TSGA10: variants seen among roughly 807,000 people sequenced by gnomAD.
The protein encoded by TSGA10 is testis specific 10, also known as testis-specific gene 10 protein.
In TSGA10, 43 loss-of-function variants were observed where a neutral mutation model predicts 96.6. That is an observed-to-expected ratio of 0.44 (90% CI 0.35 to 0.57). TSGA10 has a LOEUF of 0.57. Among genes scored for constraint, TSGA10 ranks in the 20% least tolerant of loss-of-function variants. The probability of loss-of-function intolerance (pLI) is 0.01; values close to 1 mark genes in which losing one functional copy is unlikely to be tolerated. For synonymous variants in TSGA10, 229 were observed against 269.9 expected (o/e 0.85, Z 1.48); for missense variants, 703 against 834.4 (o/e 0.84, Z 1.94).
At chr2:99,051,378 C>A (rs2083377637) in intron 16 of TSGA10, among the ~76,000 whole-genome samples, 1 of 151,898 alleles carries the variant, frequency 6.6e-6, no homozygotes, top group Admixed American at 6.6e-5. Flanking sequence ...AAAAATGTTA[C>A]TAGAGATAAA....
Position 99,132,143 on chromosome 2 carries a change from A to C in TSGA10, c.-620-4967T>G, listed in dbSNP as rs1003264739. Among the ~76,000 whole-genome samples, 60 of 152,098 alleles carry C rather than the reference A, an allele frequency of 3.9e-4. 2 individuals carry two copies. Among genetic ancestry groups the C allele is most frequent in the Admixed American group, 2.0e-3 (30 of 15,272 alleles). Reference sequence around the variant, plus strand: ...AGGATGATGCTGGACTCATAAAATGAGTTAGGGAGGATTCCCTCTTTTTTC... The same window carrying C: ...AGGATGATGCTGGACTCATAAAATGCGTTAGGGAGGATTCCCTCTTTTTTC... On this transcript the variant is annotated intron_variant, in intron 1 of 20. Transcript: ENST00000393483.
chr2:99,074,029 T>TTTTTTTTTTTTTG (rs1241657890), intron 12 of TSGA10, among the ~76,000 whole-genome samples: 9 of 136,844 alleles, frequency 6.6e-5, no homozygotes, highest in African/African-American at 2.6e-4. Flanking sequence ...TTTTTTTTTT[T>TTTTTTTTTTTTTG]GAGATGGAGT....
intron 15 of TSGA10, 119 bp downstream of exon 15, chr2:99,068,768 TA>T: frequency 2.3e-6 from 1 of 433,492 alleles, no homozygotes; most frequent in Non-Finnish European, 4.1e-6. Context: ...TTGTCAAAAC[TA>T]AAATATACTA....
chr2:99,087,181 G>A (rs761631139), intron 10 of TSGA10, among the ~76,000 whole-genome samples: 6 of 151,756 alleles, frequency 4.0e-5, no homozygotes, highest in African/African-American at 9.7e-5. Flanking sequence ...TCCAGCCTGG[G>A]CGACAGTGCA....
chr2:99,021,271 A>G (rs1429257285), intron 17 of TSGA10, among the ~76,000 whole-genome samples: 2 of 152,096 alleles, frequency 1.3e-5, no homozygotes, highest in African/African-American at 2.4e-5. Context: ...TCTAAGCTAG[A>G]TACAATGCAA....
At chr2:99,081,993 C>G (rs932815260) in intron 10 of TSGA10, among the ~76,000 whole-genome samples, 3 of 152,164 alleles carry the variant, frequency 2.0e-5, no homozygotes, top group Non-Finnish European at 4.4e-5. Flanking sequence ...AAGACTCTCC[C>G]TTAGCTGGGA....
intron 17 of TSGA10, among the ~76,000 whole-genome samples, chr2:99,025,633 G>A (rs1409346528): frequency 6.6e-6 from 1 of 152,018 alleles, no homozygotes; most frequent in East Asian, 1.9e-4. Context: ...TTCTTGCTGT[G>A]GGTTTAGTTT....
chr2:99,018,750 A>G, intron 18 of TSGA10, 110 bp from the exon 19 acceptor site: 1 of 916,276 alleles, frequency 1.1e-6, no homozygotes, highest in Non-Finnish European at 1.6e-6. Flanking sequence ...TCCAAATCAC[A>G]TTGTGATTTT....
intron 7 of TSGA10, among the ~76,000 whole-genome samples, chr2:99,106,126 G>C (rs562946642): frequency 5.6e-4 from 86 of 152,258 alleles, no homozygotes; most frequent in Non-Finnish European, 1.0e-3. Context: ...TGCCCTGACA[G>C]AAAGGCCCAC....
intron 1 of TSGA10, chr2:99,148,439 T>C (rs1360589222): frequency 6.6e-6 from 1 of 152,198 alleles, no homozygotes; most frequent in African/African-American, 2.4e-5. Context: ...AAGCCAAATA[T>C]ATACTATTTA....
Position 99,095,531 on chromosome 2 carries a change from T to C in TSGA10, c.611+8436A>G, listed in dbSNP as rs181680214. Among the ~76,000 whole-genome samples the C allele has an allele frequency of 3.9e-4, 59 of 152,314 alleles. No individual in the cohort carries two copies. The East Asian group carries it at 9.4e-3, about 24-fold the overall frequency. ...AACAAGCCAGATACAAAAAAGTATA[T>C]ACTTTATACTTAAAAAAGTATATAC... On this transcript the variant is annotated intron_variant, in intron 10 of 20. Transcript: ENST00000393483.
intron 16 of TSGA10, among the ~76,000 whole-genome samples, chr2:99,060,010 A>C (rs1364344839): frequency 6.6e-6 from 1 of 151,878 alleles, no homozygotes; most frequent in Admixed American, 6.6e-5. Context: ...GCTATATATG[A>C]GGCAAAAAAT....
At chr2:99,130,563 C>T (rs775915259) in intron 1 of TSGA10, among the ~76,000 whole-genome samples, 7 of 152,036 alleles carry the variant, frequency 4.6e-5, no homozygotes, top group Non-Finnish European at 8.8e-5. Flanking sequence ...TATTTTCTCC[C>T]ATTCTGTGTT....
intron 1 of TSGA10, among the ~76,000 whole-genome samples, chr2:99,144,051 C>T (rs566317845): frequency 6.6e-6 from 1 of 151,658 alleles, no homozygotes; most frequent in African/African-American, 2.4e-5. Context: ...GATGGAGTCT[C>T]GCTTTGTCTC....
intron 2 of TSGA10, among the ~76,000 whole-genome samples, chr2:99,119,289 T>C (rs1034058186): frequency 2.6e-5 from 4 of 152,066 alleles, no homozygotes; most frequent in African/African-American, 9.7e-5. Context: ...TTTAATCCAG[T>C]GTCTCCTACT....
chr2:99,078,516 G>T, intron 12 of TSGA10, 143 bp downstream of exon 12: 1 of 791,218 alleles, frequency 1.3e-6, no homozygotes, highest in Non-Finnish European at 1.9e-6. Context: ...ATATTTCAAA[G>T]TCAGATTTTG....
chr2:99,128,927 T>C (rs1048604438), intron 1 of TSGA10, among the ~76,000 whole-genome samples: 3 of 152,142 alleles, frequency 2.0e-5, no homozygotes, highest in Non-Finnish European at 2.9e-5. Context: ...GTTTTAAATT[T>C]TGTAGAGTCA....
chr2:99,079,758 C>A (rs2087204621), intron 11 of TSGA10, among the ~76,000 whole-genome samples: 1 of 152,176 alleles, frequency 6.6e-6, no homozygotes, highest in African/African-American at 2.4e-5. Context: ...AACCACTGGT[C>A]TAGAGCTCTA....
At chr2:99,068,685 A>C (rs1049258254) in intron 15 of TSGA10, among the ~76,000 whole-genome samples, 1 of 152,182 alleles carries the variant, frequency 6.6e-6, no homozygotes, top group Non-Finnish European at 1.5e-5. Flanking sequence ...CTAGAGTGGC[A>C]GAGTTGCAAA....
Sources: gnomAD v4.1 joint callset for allele counts (sites outside exome capture counted in the v4.1 genomes callset) on GRCh38, gnomAD v4.1.1 for gene constraint, MANE v1.5 for transcripts, NCBI Gene and HGNC (gene_info 2026-07-23, HGNC 2026-07-21) for gene names.